PAH: variants seen among roughly 807,000 people sequenced by gnomAD.
PAH encodes the protein phenylalanine hydroxylase.
PAH carries 64 observed loss-of-function variants against 62.0 expected under a neutral mutation model. The ratio of observed to expected loss-of-function variants is 1.03; its 90% CI spans 0.84 to 1.27. PAH has a LOEUF of 1.27. Ranked by LOEUF, PAH falls within the 50% of genes most tolerant of loss-of-function variation. The pLI, the probability that PAH is intolerant of heterozygous loss-of-function variation, is 0.00. For missense variants in PAH, 579 were observed against 542.8 expected, an observed-to-expected ratio of 1.07 and a Z score of -0.66; for synonymous variants, 195 against 196.2, an observed-to-expected ratio of 0.99 and a Z score of 0.05.
intron 4 of PAH, among the ~76,000 whole-genome samples, chr12:102,874,311 G>T (rs539229027): frequency 6.6e-6 from 1 of 152,344 alleles, no homozygotes; most frequent in African/African-American, 2.4e-5. Context: ...TGCCAAGTTT[G>T]CAGTTACTAT....
upstream of PAH, chr12:102,917,260 T>G: frequency 1.1e-5 from 9 of 792,256 alleles, no homozygotes; most frequent in South Asian, 2.9e-5. Flanking sequence ...AGGGTGTCTC[T>G]TGCGTGGTGC....
chr12:102,929,301 T>C (rs73393551), intron 1 of PAH, among the ~76,000 whole-genome samples: 4,810 of 152,236 alleles, frequency 0.032, 259 homozygotes, highest in African/African-American at 0.11. Flanking sequence ...TTAACAAGTG[T>C]CATGAAGGAG....
intron 1 of PAH, among the ~76,000 whole-genome samples, chr12:102,932,818 T>C (rs1387596994): frequency 6.6e-6 from 1 of 151,006 alleles, no homozygotes; most frequent in East Asian, 1.9e-4. Flanking sequence ...ATTTTTAATT[T>C]TTAGTTGTTG....
At chr12:102,840,603 T>G (rs553883846) in intron 11 of PAH, 88 bp from the exon 12 acceptor site, 1 of 923,392 alleles carries the variant, frequency 1.1e-6, no homozygotes, top group East Asian at 2.4e-5. Flanking sequence ...TTACTTCTTT[T>G]TTAGGAACAC....
rs953209518 is a variant in PAH at position 102,895,869 on chromosome 12, A to AAAT, written c.169-952_169-951insATT. Among the ~76,000 whole-genome samples, 570 of 118,672 alleles carry AAAT rather than the reference A, an allele frequency of 4.8e-3. 15 individuals carry two copies. Among genetic ancestry groups the AAAT allele is most frequent in the African/African-American group, 0.018 (502 of 28,048 alleles). The allele number at this position is 118,672 out of a possible 152,430, so 77.9% of individuals were successfully genotyped here. ...GACTCTGTCTCAAAAAAAAAAAAAA[A>AAAT]ATATATATATATATATATATATGTA... On this transcript the variant is annotated intron_variant, in intron 2 of 12. Transcript: ENST00000553106.
At chr12:102,932,519 C>T (rs1273263243) in intron 1 of PAH, among the ~76,000 whole-genome samples, 1 of 152,148 alleles carries the variant, frequency 6.6e-6, no homozygotes, top group Non-Finnish European at 1.5e-5. Context: ...ACAGAGATGA[C>T]AAGAGGAGAA....
At chr12:102,931,976 G>C (rs1368124951) in intron 1 of PAH, among the ~76,000 whole-genome samples, 1 of 152,154 alleles carries the variant, frequency 6.6e-6, no homozygotes, top group Non-Finnish European at 1.5e-5. Context: ...TTACATTCTA[G>C]TGTCTGTTGA....
At chr12:102,922,160 A>G (rs1458420363), upstream of PAH, among the ~76,000 whole-genome samples, 2 of 151,250 alleles carry the variant, frequency 1.3e-5, no homozygotes, top group African/African-American at 4.9e-5. Flanking sequence ...TTCTTACACA[A>G]ATAGTAGCAT....
rs78655458 is a variant in PAH, at chr12:102,852,828, A to C, written c.829T>G (p.Tyr277Asp). ...QYIRHGSKPM[Y>D]TPEPDICHEL... The stretch of plus-strand genomic sequence containing the variant: ...GACAGTACTCACGGTTCGGGGGTAT[A>C]CATGGGCTTGGATCCATGTCTGATG... The change falls in exon 7 of 13, where the codon TAT (tyrosine) becomes GAT (aspartate). Residue 277 changes from tyrosine to aspartate, a missense_variant. Tyr to Asp is a radical substitution (Grantham distance 160). Coordinates refer to ENST00000553106, the MANE Select transcript of PAH (RefSeq NM_000277.3). 3.5e-5 allele frequency: 57 copies of C among 1,613,964 alleles called. No individual in the cohort carries two copies. Among genetic ancestry groups the C allele is most frequent in the Non-Finnish European group, 4.4e-5 (52 of 1,179,968 alleles).
intron 1 of PAH, among the ~76,000 whole-genome samples, chr12:102,926,056 C>A (rs1448077150): frequency 1.3e-5 from 2 of 151,508 alleles, no homozygotes; most frequent in Non-Finnish European, 2.9e-5. Context: ...TACTAAGTGC[C>A]AGGCACTGTT....
chr12:102,876,194 A>G (rs1394568697), intron 4 of PAH, among the ~76,000 whole-genome samples: 1 of 152,166 alleles, frequency 6.6e-6, no homozygotes, highest in Non-Finnish European at 1.5e-5. Flanking sequence ...CTTCCTCCTC[A>G]TGCCCCTCTG....
chr12:102,870,141 G>T (rs113381720), intron 4 of PAH, among the ~76,000 whole-genome samples: 2,558 of 152,202 alleles, frequency 0.017, 70 homozygotes, highest in African/African-American at 0.058. Context: ...GGTATAATTT[G>T]TGTGTGTGGG....
intron 4 of PAH, among the ~76,000 whole-genome samples, chr12:102,870,245 C>T (rs1876247243): frequency 6.6e-6 from 1 of 152,150 alleles, no homozygotes; most frequent in African/African-American, 2.4e-5. Context: ...AATATCATAG[C>T]TAAGGTTAAA....
At position 102,871,932 on chromosome 12, in the gene PAH, AAAAAAAAAAAAAAAAAAATATATAT is replaced by A. The variant is rs1356772453; in HGVS notation, c.442-5294_442-5270del. ...AGCAAAACTCTGCCTCAAAAAAAAA[AAAAAAAAAAAAAAAAAAATATATAT>A]ATATATATATATATATATATATATA... On this transcript the variant is annotated intron_variant, in intron 4 of 12. Coordinates refer to ENST00000553106, the MANE Select transcript of PAH (RefSeq NM_000277.3). 1.1e-3 allele frequency among the ~76,000 whole-genome samples: 126 copies of A among 116,418 alleles called. 3 individuals carry two copies. The East Asian group carries it at 0.017, about 16-fold the overall frequency. 76.4% of individuals were successfully genotyped at this position (116,418 alleles called of 152,430 possible).
At chr12:102,935,028 G>T (rs866302146) in intron 1 of PAH, among the ~76,000 whole-genome samples, 3 of 152,042 alleles carry the variant, frequency 2.0e-5, no homozygotes, top group African/African-American at 7.2e-5. Context: ...CCCTAGCTGT[G>T]GGTCTGTCAT....
intron 8 of PAH, among the ~76,000 whole-genome samples, chr12:102,851,473 G>C (rs958981021): frequency 2.0e-5 from 3 of 152,166 alleles, no homozygotes; most frequent in African/African-American, 4.8e-5. Flanking sequence ...ACACACATAT[G>C]ATTCAGAGGA....
At chr12:102,897,600 A>G (rs1877566946) in intron 2 of PAH, among the ~76,000 whole-genome samples, 1 of 152,062 alleles carries the variant, frequency 6.6e-6, no homozygotes, top group Non-Finnish European at 1.5e-5. Context: ...AAATAGTCTT[A>G]GAGTTTTTAA....
At chr12:102,895,811 C>A (rs1276812683) in intron 2 of PAH, among the ~76,000 whole-genome samples, 1 of 147,438 alleles carries the variant, frequency 6.8e-6, no homozygotes, top group Non-Finnish European at 1.5e-5. Context: ...GCCAAGATCG[C>A]GCCACTGCAC....
At chr12:102,918,043 T>A (rs1485291330), upstream of PAH, among the ~76,000 whole-genome samples, 2 of 152,146 alleles carry the variant, frequency 1.3e-5, no homozygotes, top group African/African-American at 4.8e-5. Context: ...AGACTCTGCC[T>A]CCCCAGCTAT....
Sources: allele counts gnomAD v4.1 joint callset (sites outside exome capture counted in the v4.1 genomes callset), GRCh38; gene constraint gnomAD v4.1.1; transcripts MANE v1.5; gene names NCBI Gene and HGNC (gene_info 2026-07-23, HGNC 2026-07-21).